The following CERK variants were observed in gnomAD, a reference collection of about 807,000 sequenced individuals.
The protein encoded by CERK is ceramide kinase, also known as acylsphingosine kinase.
Under a neutral mutation model 63.4 loss-of-function variants are expected in CERK, and 39 were observed. The observed-to-expected ratio is 0.61, with a 90% CI of 0.48 to 0.80. The LOEUF (loss-of-function observed/expected upper bound fraction) is 0.80. CERK is among the 30% of genes least tolerant of loss of function. CERK has a pLI of 0.00. For missense variants in CERK, 670 were observed against 714.1 expected (o/e 0.94, Z 0.70); for synonymous variants, 302 against 280.0 (o/e 1.08, Z -0.78).
chr22:46,696,737 A>G (rs556059194), intron 8 of CERK, among the ~76,000 whole-genome samples: 3 of 152,190 alleles, frequency 2.0e-5, no homozygotes, highest in Non-Finnish European at 4.4e-5. Flanking sequence ...TGTGGCCAGG[A>G]TGGGGATCCA....
chr22:46,717,428 C>T (rs528446830), intron 3 of CERK, among the ~76,000 whole-genome samples: 9 of 152,354 alleles, frequency 5.9e-5, no homozygotes, highest in East Asian at 1.9e-4. Context: ...ATTCACATCA[C>T]GGAATACCAT....
At chr22:46,703,296 G>C (rs1452152497) in intron 6 of CERK, among the ~76,000 whole-genome samples, 1 of 152,060 alleles carries the variant, frequency 6.6e-6, no homozygotes, top group Admixed American at 6.5e-5. Flanking sequence ...AGCCATCCAC[G>C]GGAGGCAGCT....
rs182249112 is a variant in CERK at position 46,715,824 on chromosome 22, T to A, written c.380-3531A>T. Among the ~76,000 whole-genome samples the A allele has an allele frequency of 2.0e-5, 3 of 152,302 alleles. No individual in the cohort carries two copies. In the East Asian group the frequency reaches 5.8e-4, roughly 29 times the overall value. On this transcript the variant is annotated intron_variant, in intron 3 of 12. Coordinates refer to ENST00000216264, the MANE Select transcript of CERK (RefSeq NM_022766.6). ...ACAATAGAGCTTGGAGAATAAAACGTCTTCGTGACTTTGGAGTAGACAAAG... is the reference window on the plus strand; with the variant it reads ...ACAATAGAGCTTGGAGAATAAAACGACTTCGTGACTTTGGAGTAGACAAAG...
rs1343945660 is a variant in CERK at position 46,708,101 on chromosome 22, G to C, written c.570-113C>G. On this transcript the variant is annotated intron_variant, in intron 5 of 12. Coordinates refer to ENST00000216264, the MANE Select transcript of CERK (RefSeq NM_022766.6). ...AGCCTGCACACCTGGCCCTTGGCAG[G>C]CATCTAGAAGTGCGGCTCCTGAAAT... 4 of 1,249,896 alleles carry C rather than the reference G, an allele frequency of 3.2e-6. No homozygotes were observed. In the African/African-American group the frequency reaches 6.0e-5, roughly 19 times the overall value. 77.4% of individuals were successfully genotyped at this position (1,249,896 alleles called of 1,614,324 possible).
At chr22:46,712,832 ATTTTC>A (rs1485497399) in intron 3 of CERK, among the ~76,000 whole-genome samples, 7 of 139,704 alleles carry the variant, frequency 5.0e-5, no homozygotes, top group African/African-American at 1.6e-4. Flanking sequence ...AGTCACCCCC[ATTTTC>A]TTTTCTTTTC....
At chr22:46,695,422 A>T in intron 8 of CERK, 107 bp from the exon 9 acceptor site, 1 of 762,234 alleles carries the variant, frequency 1.3e-6, no homozygotes, top group Non-Finnish European at 2.3e-6. Context: ...ATCTGCCTAA[A>T]CCGTCTGCAG....
intron 3 of CERK, among the ~76,000 whole-genome samples, chr22:46,716,953 A>G (rs1004748253): frequency 6.6e-6 from 1 of 152,138 alleles, no homozygotes; most frequent in Admixed American, 6.5e-5. Flanking sequence ...AAAAAAAAGA[A>G]AAAAAGAATG....
In CERK at chr22:46,687,113, T is replaced by C. The variant is rs2542014; in HGVS notation, c.*21A>G. 0.43 allele frequency: 686,011 copies of C among 1,604,748 alleles called. 152,137 individuals are homozygous for C. The highest frequency in any genetic ancestry group is 0.72 in the African/African-American group (53,898 of 74,678). ...AAATAGTTTTCACACTTTCCCAGTT[T>C]GTGAGCAGGACGCCGGCTTCTCAGC... On this transcript the variant is annotated 3_prime_UTR_variant, in exon 13 of 13. Coordinates refer to ENST00000216264, the MANE Select transcript of CERK (RefSeq NM_022766.6).
At chr22:46,690,987 A>T (rs931104316) in intron 11 of CERK, among the ~76,000 whole-genome samples, 2 of 146,032 alleles carry the variant, frequency 1.4e-5, no homozygotes, top group African/African-American at 5.5e-5. Flanking sequence ...GTATGTGTGT[A>T]TATGTATGTA....
intron 3 of CERK, among the ~76,000 whole-genome samples, chr22:46,716,623 A>G (rs1331177369): frequency 6.6e-6 from 1 of 152,078 alleles, no homozygotes; most frequent in African/African-American, 2.4e-5. Context: ...ATATGTAAAC[A>G]GTTTCTACAC....
intron 1 of CERK, among the ~76,000 whole-genome samples, chr22:46,733,165 G>T (rs376665697): frequency 1.6e-5 from 2 of 127,130 alleles, no homozygotes; most frequent in African/African-American, 6.2e-5. Context: ...CTGAGATCAC[G>T]CCACTGCACT....
Position 46,690,100 on chromosome 22 carries a change from T to G in CERK, c.1433A>C (p.Lys478Thr). The G allele has an allele frequency of 6.2e-7, 1 of 1,614,074 alleles. No individual in the cohort carries two copies. Among genetic ancestry groups the G allele is most frequent in the Non-Finnish European group, 8.5e-7 (1 of 1,180,022 alleles). The change falls in exon 12 of 13, where the codon AAG becomes ACG. Residue 478 changes from lysine to threonine, a missense_variant. Physicochemically the swap from Lys to Thr is moderately conservative, Grantham distance 78. Transcript: ENST00000216264. ...GCTGCTGCAAATGTGCCCAAAGCGC[T>G]TCTTCCCCCCCTCCTTGAGGTCGCT... The part of the protein sequence containing the change: ...EDSDLKEGGK[K>T]RFGHICSSHP...
intron 7 of CERK, among the ~76,000 whole-genome samples, chr22:46,700,020 C>T (rs1162173249): frequency 4.6e-5 from 7 of 151,812 alleles, no homozygotes; most frequent in Admixed American, 1.3e-4. Flanking sequence ...ACCCGGGAGG[C>T]GGAGGTTGCA....
intron 10 of CERK, among the ~76,000 whole-genome samples, 177 bp from the exon 11 acceptor site, chr22:46,691,954 C>A (rs943596194): frequency 6.6e-6 from 1 of 152,192 alleles, no homozygotes; most frequent in Non-Finnish European, 1.5e-5. Context: ...GTCCGCTCCC[C>A]GCAGGAAGTG....
At chr22:46,701,896 G>A (rs537043168) in intron 6 of CERK, among the ~76,000 whole-genome samples, 186 bp from the exon 7 acceptor site, 2 of 152,286 alleles carry the variant, frequency 1.3e-5, no homozygotes, top group African/African-American at 2.4e-5. Flanking sequence ...AGAATATTGA[G>A]ATTGGGCCGG....
rs773789203 is a variant in CERK at position 46,687,019 on chromosome 22, TA to T, written c.*114del. 8.0e-4 allele frequency: 712 copies of T among 890,296 alleles called. No homozygotes were observed. Among genetic ancestry groups the T allele is most frequent in the Non-Finnish European group, 1.1e-3 (639 of 586,178 alleles). The allele number at this position is 890,296 out of a possible 1,614,324, so 55.1% of individuals were successfully genotyped here. On this transcript the variant is annotated 3_prime_UTR_variant, in exon 13 of 13. Coordinates refer to ENST00000216264, the MANE Select transcript of CERK (RefSeq NM_022766.6). ...AGGGTTTTCTTCTAAAATCAAGATT[TA>T]ACTATCAAAAATAAATTTCTACATT...
At chr22:46,723,643 G>A (rs1013132924) in intron 1 of CERK, among the ~76,000 whole-genome samples, 4 of 151,860 alleles carry the variant, frequency 2.6e-5, no homozygotes, top group Admixed American at 1.3e-4. Context: ...AGAAGAAGAA[G>A]AATATAGCTG....
intron 3 of CERK, among the ~76,000 whole-genome samples, chr22:46,716,134 G>T (rs1449871533): frequency 6.6e-6 from 1 of 151,876 alleles, no homozygotes; most frequent in Non-Finnish European, 1.5e-5. Flanking sequence ...AAGCTGCAGT[G>T]AACCGTGATT....
Position 46,738,225 on chromosome 22 carries a change from G to C in CERK, c.-77C>G. The C allele has an allele frequency of 1.0e-6, 1 of 952,638 alleles. No individual in the cohort carries two copies. Among genetic ancestry groups the C allele is most frequent in the Non-Finnish European group, 1.3e-6 (1 of 793,734 alleles). The allele number at this position is 952,638 out of a possible 1,614,324, so 59.0% of individuals were successfully genotyped here. ...CGCCGGACCGTTAGCGGCCCCTGCA[G>C]TGGCCCGGGCGGCGGGCGGCGGGCG... On this transcript the variant is annotated 5_prime_UTR_variant, in exon 1 of 13. Transcript: ENST00000216264.
Sources: allele counts gnomAD v4.1 joint callset (sites outside exome capture counted in the v4.1 genomes callset), GRCh38; gene constraint gnomAD v4.1.1; transcripts MANE v1.5; gene names NCBI Gene and HGNC (gene_info 2026-07-23, HGNC 2026-07-21).